The following IRAG2 variants were observed in gnomAD, a reference collection of about 807,000 sequenced individuals.
IRAG2 encodes lymphoid restricted membrane protein.
A neutral mutation model predicts 69.9 loss-of-function variants in IRAG2; 45 were observed. The ratio of observed to expected loss-of-function variants is 0.64; its 90% CI spans 0.51 to 0.83. The LOEUF is 0.83. Ranked by LOEUF, IRAG2 falls within the 40% of genes least tolerant of loss-of-function variation. IRAG2 has a pLI of 0.00. For synonymous variants in IRAG2, 193 were observed against 202.4 expected (o/e 0.95, Z 0.40); for missense variants, 520 against 587.0 (o/e 0.89, Z 1.18).
chr12:25,019,791 A>G (rs748612459), intron 6 of IRAG2, among the ~76,000 whole-genome samples: 20 of 152,164 alleles, frequency 1.3e-4, no homozygotes, highest in Non-Finnish European at 1.8e-4. Flanking sequence ...TCCTGTTTAT[A>G]TCACTGTGAC....
At chr12:25,075,521 C>CATGTGTGTGTGTGT (rs750386542) in intron 6 of IRAG2, among the ~76,000 whole-genome samples, 230 of 139,370 alleles carry the variant, frequency 1.7e-3, no homozygotes, top group African/African-American at 5.9e-3. Flanking sequence ...TGTGTGTATG[C>CATGTGTGTGTGTGT]GTGTGTGTGT....
At chr12:25,040,804 G>T (rs1012739370) in intron 16 of IRAG2, among the ~76,000 whole-genome samples, 2 of 152,132 alleles carry the variant, frequency 1.3e-5, no homozygotes, top group African/African-American at 4.8e-5. Flanking sequence ...CAGGATGTCC[G>T]CTCTTTGCCT....
At chr12:25,076,379 A>G in intron 6 of IRAG2, 1 of 963,832 alleles carries the variant, frequency 1.0e-6, no homozygotes, top group Non-Finnish European at 1.2e-6. Flanking sequence ...ACAATGTTTC[A>G]TATCTAACGT....
chr12:25,107,352 A>G (rs1949252192), intron 21 of IRAG2, among the ~76,000 whole-genome samples: 1 of 152,158 alleles, frequency 6.6e-6, no homozygotes, highest in Non-Finnish European at 1.5e-5. Flanking sequence ...TATCCATAGG[A>G]AAAAAACAGT....
In IRAG2 at chr12:25,089,785, G is replaced by A. The variant is rs1489840964; in HGVS notation, c.460G>A (p.Val154Met). 6.2e-7 allele frequency: 1 copy of A among 1,613,072 alleles called. No individual in the cohort carries two copies. The highest frequency in any genetic ancestry group is 8.5e-7 in the Non-Finnish European group (1 of 1,179,940). The change falls in exon 13 of 22, where the codon GTG (valine) becomes ATG (methionine). Residue 154 changes from valine to methionine, a missense_variant. Coordinates refer to ENST00000556887, the MANE Select transcript of IRAG2 (RefSeq NM_001366544.2). Reference sequence around the variant, plus strand: ...CAGCACTTCTGCTAATGAGAAGGAGGTGGAGGTGAGTTTAAAGCAAATTTT... The same window carrying A: ...CAGCACTTCTGCTAATGAGAAGGAGATGGAGGTGAGTTTAAAGCAAATTTT... ...SENTSANEKE[V>M]EAEFLRLSLG...
chr12:25,098,940 A>T (rs540365551), intron 15 of IRAG2, among the ~76,000 whole-genome samples: 1 of 152,150 alleles, frequency 6.6e-6, no homozygotes, highest in South Asian at 2.1e-4. Flanking sequence ...CTTCCTGGAA[A>T]TGCTTTCCTC....
At chr12:25,045,119 C>A (rs1186398094) in intron 16 of IRAG2, among the ~76,000 whole-genome samples, 2 of 151,938 alleles carry the variant, frequency 1.3e-5, no homozygotes, top group African/African-American at 4.8e-5. Context: ...CGGAAATATT[C>A]ACAAATATGT....
intron 6 of IRAG2, among the ~76,000 whole-genome samples, chr12:25,072,347 C>T (rs940761943): frequency 6.6e-6 from 1 of 152,196 alleles, no homozygotes; most frequent in Non-Finnish European, 1.5e-5. Context: ...AGGAATTAGT[C>T]TGTTGGCTGC....
At chr12:25,005,211 T>G (rs756707093) in intron 1 of IRAG2, 1 of 1,038,326 alleles carries the variant, frequency 9.6e-7, no homozygotes, top group Non-Finnish European at 1.2e-6. Flanking sequence ...ACAGAAAGCA[T>G]CAGGATTTAC....
At chr12:25,010,836 A>G (rs528159018) in intron 2 of IRAG2, among the ~76,000 whole-genome samples, 1 of 152,336 alleles carries the variant, frequency 6.6e-6, no homozygotes. Flanking sequence ...AATGACTAAC[A>G]TAGTTTGGAT....
At position 25,077,319 on chromosome 12, in the gene IRAG2, T is replaced by A. The variant is rs11047818; in HGVS notation, c.25-1925T>A. On this transcript the variant is annotated intron_variant, in intron 6 of 21. Transcript: ENST00000556887. ...TATGAAATATATATGATATATATGA[T>A]ATATATATGATATATATATGAAATA... Among the ~76,000 whole-genome samples, 33 of 27,708 alleles carry A rather than the reference T, an allele frequency of 1.2e-3. 6 individuals are homozygous for A. Among genetic ancestry groups the A allele is most frequent in the African/African-American group, 3.8e-3 (32 of 8,332 alleles). The allele number at this position is 27,708 out of a possible 152,430, so 18.2% of individuals were successfully genotyped here.
intron 16 of IRAG2, among the ~76,000 whole-genome samples, chr12:25,041,652 G>A (rs866059099): frequency 9.6e-5 from 14 of 146,070 alleles, no homozygotes; most frequent in Middle Eastern, 3.5e-3. Context: ...GCTATGCTCC[G>A]CTAAGTTTTG....
chr12:25,051,559 T>G (rs1039233691), upstream of IRAG2, among the ~76,000 whole-genome samples: 1 of 152,208 alleles, frequency 6.6e-6, no homozygotes, highest in Non-Finnish European at 1.5e-5. Flanking sequence ...TAAGTGCATT[T>G]TTACATGTTT....
chr12:25,037,071 A>G (rs183373639), intron 15 of IRAG2, among the ~76,000 whole-genome samples: 5 of 152,168 alleles, frequency 3.3e-5, no homozygotes, highest in Non-Finnish European at 5.9e-5. Flanking sequence ...CGGTTTTACT[A>G]TCTCAGGAAC....
intron 21 of IRAG2, among the ~76,000 whole-genome samples, 178 bp downstream of exon 21, chr12:25,107,228 A>G (rs1304147222): frequency 6.6e-6 from 1 of 152,222 alleles, no homozygotes. Flanking sequence ...ATTTTGAGAG[A>G]CAGACTACAT....
At chr12:25,020,822 T>C in exon 7 of IRAG2, 1 of 1,232,022 alleles carries the variant, frequency 8.1e-7, no homozygotes, top group East Asian at 3.2e-5. Flanking sequence ...ACAAATCTGT[T>C]AAAAGAAGAA....
chr12:25,031,007 A>T, intron 10 of IRAG2: 2 of 983,568 alleles, frequency 2.0e-6, no homozygotes, highest in Non-Finnish European at 2.4e-6. Flanking sequence ...GTAGCCAAGG[A>T]TACCGGCTAC....
At chr12:25,048,140 T>C (rs1193492172), upstream of IRAG2, among the ~76,000 whole-genome samples, 1 of 152,224 alleles carries the variant, frequency 6.6e-6, no homozygotes, top group African/African-American at 2.4e-5. Flanking sequence ...TTCTGGGATT[T>C]TTAATAATTG....
At chr12:25,002,691 G>T (rs1944401005), upstream of IRAG2, among the ~76,000 whole-genome samples, 1 of 150,406 alleles carries the variant, frequency 6.6e-6, no homozygotes, top group Non-Finnish European at 1.5e-5. Context: ...CCCCCGGCTA[G>T]AGTGCCGTAG....
Sources: gnomAD v4.1 joint callset for allele counts (sites outside exome capture counted in the v4.1 genomes callset) on GRCh38, gnomAD v4.1.1 for gene constraint, MANE v1.5 for transcripts, NCBI Gene and HGNC (gene_info 2026-07-23, HGNC 2026-07-21) for gene names.